CTBP2: variants seen among roughly 807,000 people sequenced by gnomAD.
CTBP2 encodes C-terminal binding protein 2.
Under a neutral mutation model 80.3 loss-of-function variants are expected in CTBP2, and 30 were observed. The observed-to-expected ratio is 0.37, with a 90% CI of 0.28 to 0.51. CTBP2 has a LOEUF of 0.51. CTBP2 is among the 20% of genes least tolerant of loss of function. The pLI, the probability that CTBP2 is intolerant of heterozygous loss-of-function variation, is 0.93. For synonymous variants in CTBP2, 594 were observed against 587.4 expected (o/e 1.01, Z -0.16); for missense variants, 1,212 against 1,375.3 (o/e 0.88, Z 1.88).
At chr10:125,101,741 T>G (rs547045104) in intron 2 of CTBP2, among the ~76,000 whole-genome samples, 40 of 152,166 alleles carry the variant, frequency 2.6e-4, no homozygotes, top group Non-Finnish European at 5.0e-4. Flanking sequence ...CTTGGAGAGA[T>G]GCAACCTGTA....
chr10:125,033,755 C>G (rs1312760579), intron 3 of CTBP2, among the ~76,000 whole-genome samples: 1 of 152,060 alleles, frequency 6.6e-6, no homozygotes, highest in East Asian at 1.9e-4. Context: ...ACTAGAGATG[C>G]TCTTTTCCCA....
At chr10:125,124,818 C>T (rs1854948971) in intron 1 of CTBP2, among the ~76,000 whole-genome samples, 1 of 152,228 alleles carries the variant, frequency 6.6e-6, no homozygotes. Flanking sequence ...CAATCTTCTG[C>T]TACAGATCTT....
At chr10:125,042,846 G>C (rs1268255441) in intron 2 of CTBP2, among the ~76,000 whole-genome samples, 2 of 151,950 alleles carry the variant, frequency 1.3e-5, no homozygotes, top group African/African-American at 4.8e-5. Flanking sequence ...CAGGAAAGCT[G>C]TATCTTTTCA....
chr10:125,050,074 C>G (rs540915336), intron 2 of CTBP2, among the ~76,000 whole-genome samples: 1 of 151,966 alleles, frequency 6.6e-6, no homozygotes, highest in Non-Finnish European at 1.5e-5. Flanking sequence ...ACTCATCATG[C>G]AAAGGCTGGC....
chr10:125,040,988 G>A lies in CTBP2; in HGVS notation c.-101-1833C>T, dbSNP rs527890470. Among the ~76,000 whole-genome samples the A allele has an allele frequency of 3.9e-5, 6 of 152,332 alleles. No homozygotes were observed. The East Asian group carries it at 5.8e-4, about 15-fold the overall frequency. On this transcript the variant is annotated intron_variant, in intron 2 of 10. Transcript: ENST00000337195. ...CCCCAAAACGGGGACTGACCATATC[G>A]GATCAGTCAGGAGATGGAGGTTGTC...
intron 2 of CTBP2, among the ~76,000 whole-genome samples, chr10:125,044,232 C>A (rs946630755): frequency 6.6e-6 from 1 of 152,250 alleles, no homozygotes; most frequent in African/African-American, 2.4e-5. Flanking sequence ...CCCACAGGCT[C>A]ATCCAGGAGC....
intron 2 of CTBP2, among the ~76,000 whole-genome samples, chr10:125,091,637 G>A (rs1012372138): frequency 4.6e-5 from 7 of 152,202 alleles, no homozygotes; most frequent in Admixed American, 4.6e-4. Context: ...GCTGGGCATC[G>A]TGATGCATGC....
chr10:125,057,938 C>T (rs966844264), intron 2 of CTBP2, among the ~76,000 whole-genome samples: 1 of 152,018 alleles, frequency 6.6e-6, no homozygotes, highest in Admixed American at 6.5e-5. Flanking sequence ...CCAAGAGGGT[C>T]TCACGGGAAG....
intron 2 of CTBP2, among the ~76,000 whole-genome samples, chr10:125,077,019 G>A (rs1202050661): frequency 6.6e-6 from 1 of 152,160 alleles, no homozygotes; most frequent in Admixed American, 6.5e-5. Flanking sequence ...GAACGCACAG[G>A]TCAGGCCAAC....
intron 2 of CTBP2, among the ~76,000 whole-genome samples, chr10:125,064,077 T>C (rs1844256640): frequency 6.6e-6 from 1 of 152,162 alleles, no homozygotes; most frequent in African/African-American, 2.4e-5. Context: ...TCACTGCCAG[T>C]AGGTTTTGTA....
At position 125,025,937 on chromosome 10, in the gene CTBP2, A is replaced by G. The variant is rs1256851605; in HGVS notation, c.1678+145T>C. 10 of 1,116,534 alleles carry G rather than the reference A, an allele frequency of 9.0e-6. No individual in the cohort carries two copies. The Admixed American group carries it at 1.8e-4, about 20-fold the overall frequency. The allele number at this position is 1,116,534 out of a possible 1,614,324, so 69.2% of individuals were successfully genotyped here. ...AAGAGAAGCCGTGTCAACTGGCCAC[A>G]GTGCTGCGTCCTTCTTGTTTGGTGG... On this transcript the variant is annotated intron_variant, in intron 1 of 8. Transcript: ENST00000309035.
chr10:125,158,801 A>C (rs1465788043), intron 1 of CTBP2: 2 of 141,718 alleles, frequency 1.4e-5, no homozygotes, highest in Non-Finnish European at 3.1e-5. Context: ...CCTCCGGAAA[A>C]AGTACCGGGC....
chr10:125,030,275 T>C (rs1388752692), upstream of CTBP2, among the ~76,000 whole-genome samples: 1 of 152,204 alleles, frequency 6.6e-6, no homozygotes, highest in African/African-American at 2.4e-5. Context: ...CTTAATTTTT[T>C]AATTCTGCCA....
At chr10:125,129,942 G>A (rs1855877999) in intron 1 of CTBP2, among the ~76,000 whole-genome samples, 1 of 152,286 alleles carries the variant, frequency 6.6e-6, no homozygotes, top group South Asian at 2.1e-4. Flanking sequence ...GGGCCCTCTG[G>A]GAAGAAAACC....
At chr10:125,157,404 AAAG>A (rs1362006595) in intron 1 of CTBP2, among the ~76,000 whole-genome samples, 5 of 142,282 alleles carry the variant, frequency 3.5e-5, no homozygotes, top group Non-Finnish European at 6.2e-5. Context: ...AAAAAAAAAA[AAAG>A]AGCGGGGGGG....
chr10:125,005,532 C>G lies in CTBP2; in HGVS notation c.1679-2040G>C, dbSNP rs769681136. The G allele has an allele frequency of 4.4e-6, 7 of 1,601,200 alleles. No individual in the cohort carries two copies. The Admixed American group carries it at 6.8e-5, about 16-fold the overall frequency. On this transcript the variant is annotated intron_variant, in intron 1 of 8. Transcript: ENST00000309035. ...AATAAGGCAGGGACGAGGGCCAACA[C>G]CCCCGTGTCCTCACCAGCCCACGAC... is the stretch of plus-strand genomic sequence containing the variant.
At chr10:125,086,487 C>CAATT (rs1213485208) in intron 2 of CTBP2, among the ~76,000 whole-genome samples, 1 of 151,744 alleles carries the variant, frequency 6.6e-6, no homozygotes, top group Non-Finnish European at 1.5e-5. Flanking sequence ...TGCTGGTAAT[C>CAATT]GGCTGTAATC....
intron 2 of CTBP2, among the ~76,000 whole-genome samples, chr10:125,091,433 T>C (rs753125837): frequency 2.0e-5 from 3 of 152,200 alleles, no homozygotes; most frequent in Non-Finnish European, 4.4e-5. Flanking sequence ...AAATGCATGA[T>C]TCCTTTGGAA....
intron 4 of CTBP2, 57 bp from the exon 7 acceptor site, chr10:124,994,740 C>G: frequency 6.5e-7 from 1 of 1,543,398 alleles, no homozygotes; most frequent in Non-Finnish European, 8.9e-7. Context: ...CCCAGCGCTG[C>G]CACCTCCATT....
Sources: allele counts gnomAD v4.1 joint callset (sites outside exome capture counted in the v4.1 genomes callset), GRCh38; gene constraint gnomAD v4.1.1; transcripts MANE v1.5; gene names NCBI Gene and HGNC (gene_info 2026-07-23, HGNC 2026-07-21).